Variants in ST6GALNAC3 observed in about 807,000 individuals in gnomAD.
ST6GALNAC3 encodes the protein ST6 N-acetylgalactosaminide alpha-2,6-sialyltransferase 3.
ST6GALNAC3 carries 25 observed loss-of-function variants against 32.7 expected under a neutral mutation model. The ratio of observed to expected loss-of-function variants is 0.76; its 90% CI spans 0.56 to 1.07. ST6GALNAC3 has a LOEUF of 1.07. ST6GALNAC3 is among the 50% of genes least tolerant of loss of function. The pLI, the probability that ST6GALNAC3 is intolerant of heterozygous loss-of-function variation, is 0.00. For missense variants in ST6GALNAC3, 355 were observed against 382.4 expected (o/e 0.93, Z 0.60); for synonymous variants, 129 against 133.1 (o/e 0.97, Z 0.21).
intron 1 of ST6GALNAC3, among the ~76,000 whole-genome samples, chr1:76,184,519 G>A (rs867200201): frequency 7.5e-6 from 1 of 134,104 alleles, no homozygotes; most frequent in South Asian, 2.7e-4. Flanking sequence ...CTCCTGGGCA[G>A]CACACACACA....
At chr1:76,374,949 C>G (rs1040046588) in intron 2 of ST6GALNAC3, among the ~76,000 whole-genome samples, 7 of 152,080 alleles carry the variant, frequency 4.6e-5, no homozygotes, top group Middle Eastern at 3.2e-3. Flanking sequence ...ATATGGTCCT[C>G]TTTTCTTTTT....
At chr1:76,247,006 T>A (rs968354055) in intron 1 of ST6GALNAC3, among the ~76,000 whole-genome samples, 10 of 152,162 alleles carry the variant, frequency 6.6e-5, no homozygotes, top group Admixed American at 5.9e-4. Flanking sequence ...GTCTTTTTTG[T>A]TGATGTTGTT....
In ST6GALNAC3 at chr1:76,508,540, G is replaced by A. The variant is rs754050633; in HGVS notation, c.623+96123G>A. Among the ~76,000 whole-genome samples, 4 of 152,084 alleles carry A rather than the reference G, an allele frequency of 2.6e-5. No individual in the cohort carries two copies. In the East Asian group the frequency reaches 7.7e-4, roughly 29 times the overall value. Reference sequence around the variant, plus strand: ...GAAGGCAGCATTGTGTTTGAAGTTCGGCACCTGGGACCCAGTATTGCTGAA... The same window carrying A: ...GAAGGCAGCATTGTGTTTGAAGTTCAGCACCTGGGACCCAGTATTGCTGAA... On this transcript the variant is annotated intron_variant, in intron 3 of 4. Transcript: ENST00000328299.
At chr1:76,421,907 C>T (rs1655052304) in intron 3 of ST6GALNAC3, among the ~76,000 whole-genome samples, 1 of 152,002 alleles carries the variant, frequency 6.6e-6, no homozygotes, top group Non-Finnish European at 1.5e-5. Flanking sequence ...ACAGTGACTT[C>T]CAATCACTTC....
At position 76,412,435 on chromosome 1, in the gene ST6GALNAC3, C is replaced by T. The variant is rs374681185; in HGVS notation, c.623+18C>T. 21 of 1,569,982 alleles carry T rather than the reference C, an allele frequency of 1.3e-5. No homozygotes were observed. Among genetic ancestry groups the T allele is most frequent in the Non-Finnish European group, 1.7e-5 (20 of 1,160,554 alleles). ...AAGGACAGGTGAGCCCTCTCTGAAG[C>T]AGCTTTATTGTCTTTTATTATCTTT... is the stretch of plus-strand genomic sequence containing the variant. On this transcript the variant is annotated intron_variant, in intron 3 of 4. Coordinates refer to ENST00000328299, the MANE Select transcript of ST6GALNAC3 (RefSeq NM_152996.4).
chr1:76,559,175 G>GGT (rs1665101112), intron 3 of ST6GALNAC3, among the ~76,000 whole-genome samples: 1 of 152,074 alleles, frequency 6.6e-6, no homozygotes, highest in South Asian at 2.1e-4. Flanking sequence ...TTACTTTGCT[G>GGT]GTTCAAGAAG....
At chr1:76,321,121 G>A (rs1646960057) in intron 2 of ST6GALNAC3, among the ~76,000 whole-genome samples, 1 of 152,024 alleles carries the variant, frequency 6.6e-6, no homozygotes, top group Non-Finnish European at 1.5e-5. Context: ...GCTAGTGATT[G>A]GTCAATCAAG....
At chr1:76,155,461 T>TG (rs1414062945) in intron 1 of ST6GALNAC3, among the ~76,000 whole-genome samples, 1 of 152,120 alleles carries the variant, frequency 6.6e-6, no homozygotes, top group African/African-American at 2.4e-5. Flanking sequence ...CACTTTCTCC[T>TG]TTTTTTATTT....
At chr1:76,407,672 T>C (rs1329665343) in intron 2 of ST6GALNAC3, among the ~76,000 whole-genome samples, 1 of 151,858 alleles carries the variant, frequency 6.6e-6, no homozygotes, top group Non-Finnish European at 1.5e-5. Flanking sequence ...AAGACAAGTT[T>C]GTTTTTAATG....
rs76643924 is a variant in ST6GALNAC3 at position 76,568,425 on chromosome 1, C to T, written c.624-59027C>T. 6.6e-5 allele frequency among the ~76,000 whole-genome samples: 10 copies of T among 152,322 alleles called. No homozygotes were observed. The East Asian group carries it at 1.9e-3, about 29-fold the overall frequency. On this transcript the variant is annotated intron_variant, in intron 3 of 4. Transcript: ENST00000328299. ...GTTCAGAAAGATTTGTTCCCAAGCC[C>T]TCTTCCATGTCATGTATGCACTTTG...
chr1:76,627,221 A>G (rs995283233), intron 3 of ST6GALNAC3, among the ~76,000 whole-genome samples: 2 of 151,974 alleles, frequency 1.3e-5, no homozygotes, highest in African/African-American at 2.4e-5. Flanking sequence ...TCCACACAAC[A>G]TAGCTTTGAG....
At chr1:76,624,553 C>T (rs1648843809) in intron 3 of ST6GALNAC3, among the ~76,000 whole-genome samples, 1 of 151,868 alleles carries the variant, frequency 6.6e-6, no homozygotes, top group Admixed American at 6.6e-5. Flanking sequence ...TCCTCTTTTT[C>T]CTGGGGATAT....
At chr1:76,154,431 G>A (rs968628618) in intron 1 of ST6GALNAC3, among the ~76,000 whole-genome samples, 1 of 152,178 alleles carries the variant, frequency 6.6e-6, no homozygotes, top group African/African-American at 2.4e-5. Flanking sequence ...TTCAAGGTTT[G>A]TTATGAATGT....
chr1:76,450,451 G>A (rs540462234), intron 3 of ST6GALNAC3, among the ~76,000 whole-genome samples: 31 of 152,134 alleles, frequency 2.0e-4, no homozygotes, highest in Admixed American at 6.5e-4. Context: ...TGAGTTCCTC[G>A]TAGATTCTGG....
intron 1 of ST6GALNAC3, among the ~76,000 whole-genome samples, chr1:76,307,506 C>A (rs1661133379): frequency 6.6e-6 from 1 of 152,052 alleles, no homozygotes; most frequent in African/African-American, 2.4e-5. Flanking sequence ...TGGGTAGGGA[C>A]TCATCAATGT....
chr1:76,097,647 G>C (rs1190625183), intron 1 of ST6GALNAC3, among the ~76,000 whole-genome samples: 1 of 152,096 alleles, frequency 6.6e-6, no homozygotes, highest in African/African-American at 2.4e-5. Context: ...TTATGTTTAT[G>C]AAGTTCATCC....
intron 3 of ST6GALNAC3, among the ~76,000 whole-genome samples, chr1:76,523,313 A>C (rs1179868056): frequency 6.6e-6 from 1 of 152,088 alleles, no homozygotes; most frequent in African/African-American, 2.4e-5. Flanking sequence ...TTGTCTTAAT[A>C]TCTACATCAT....
intron 1 of ST6GALNAC3, among the ~76,000 whole-genome samples, chr1:76,095,087 C>G (rs1379344448): frequency 1.3e-5 from 2 of 152,108 alleles, no homozygotes; most frequent in East Asian, 1.9e-4. Context: ...GCTGAGGACT[C>G]TAGAGGCATG....
intron 1 of ST6GALNAC3, among the ~76,000 whole-genome samples, chr1:76,162,533 T>C (rs921064564): frequency 1.3e-5 from 2 of 152,166 alleles, no homozygotes; most frequent in Non-Finnish European, 2.9e-5. Flanking sequence ...CACCGTATAA[T>C]GGGGGAATAA....
Sources: gnomAD v4.1 joint callset for allele counts (sites outside exome capture counted in the v4.1 genomes callset) on GRCh38, gnomAD v4.1.1 for gene constraint, MANE v1.5 for transcripts, NCBI Gene and HGNC (gene_info 2026-07-23, HGNC 2026-07-21) for gene names.